ZBTB49: variants seen among roughly 807,000 people sequenced by gnomAD.
ZBTB49 encodes the protein zinc finger and BTB domain-containing protein 49.
A neutral mutation model predicts 57.5 loss-of-function variants in ZBTB49; 43 were observed. That is an observed-to-expected ratio of 0.75 (90% CI 0.59 to 0.97). ZBTB49 has a LOEUF of 0.97. Ranked by LOEUF, ZBTB49 falls within the 50% of genes least tolerant of loss-of-function variation. ZBTB49 has a pLI of 0.00. For missense variants in ZBTB49, 938 were observed against 947.7 expected, an observed-to-expected ratio of 0.99 and a Z score of 0.13; for synonymous variants, 369 against 362.1, an observed-to-expected ratio of 1.02 and a Z score of -0.22.
intron 1 of ZBTB49, among the ~76,000 whole-genome samples, chr4:4,296,171 A>G (rs945298257): frequency 6.6e-6 from 1 of 152,212 alleles, no homozygotes; most frequent in Non-Finnish European, 1.5e-5. Flanking sequence ...GGATTTCAGG[A>G]TGGGAGTTGG....
At chr4:4,295,288 G>T (rs1006413984) in intron 1 of ZBTB49, among the ~76,000 whole-genome samples, 1 of 152,138 alleles carries the variant, frequency 6.6e-6, no homozygotes, top group East Asian at 1.9e-4. Context: ...ATGGCAGCAG[G>T]GGAGAGAGAA....
intron 1 of ZBTB49, among the ~76,000 whole-genome samples, 151 bp from the exon 2 acceptor site, chr4:4,299,775 AG>A (rs140596553): frequency 0.5 from 59,583 of 119,314 alleles, 13,668 homozygotes; most frequent in Middle Eastern, 0.6. Flanking sequence ...TCAGAAACAG[AG>A]GTGTGTGTGT....
At chr4:4,318,716 G>A (rs1028324656) in intron 7 of ZBTB49, among the ~76,000 whole-genome samples, 11 of 152,140 alleles carry the variant, frequency 7.2e-5, no homozygotes, top group South Asian at 2.1e-4. Flanking sequence ...ACAAAATTCC[G>A]CATGTCTGAG....
At chr4:4,291,465 A>G (rs1377812949) in intron 1 of ZBTB49, among the ~76,000 whole-genome samples, 1 of 152,218 alleles carries the variant, frequency 6.6e-6, no homozygotes, top group African/African-American at 2.4e-5. Context: ...CCTGATCTCC[A>G]AATACAATCA....
chr4:4,310,511 A>ATT (rs66523167), intron 4 of ZBTB49, among the ~76,000 whole-genome samples: 64,790 of 141,190 alleles, frequency 0.46, 15,484 homozygotes, highest in South Asian at 0.6. Flanking sequence ...ACTTGCTAGA[A>ATT]TTTTTTTTTT....
chr4:4,306,155 T>C lies in ZBTB49; in HGVS notation c.1273T>C (p.Cys425Arg). The C allele has an allele frequency of 3.1e-6, 5 of 1,613,146 alleles. No individual in the cohort carries two copies. Among genetic ancestry groups the C allele is most frequent in the Non-Finnish European group, 4.2e-6 (5 of 1,179,650 alleles). Reference sequence around the variant, plus strand: ...TGTTTTAGGTGAGAAACCTTTTGAATGTAACATTTGTGGGAAACATTTCTC... The same window carrying C: ...TGTTTTAGGTGAGAAACCTTTTGAACGTAACATTTGTGGGAAACATTTCTC... The part of the protein sequence containing the change: ...RSHTGEKPFE[C>R]NICGKHFSQA... The change falls in exon 4 of 8, where the codon TGT becomes CGT. Residue 425 changes from cysteine to arginine, a missense_variant. By Grantham distance (180) the Cys-to-Arg change is radical (BLOSUM62 -3). Transcript: ENST00000337872.
intron 3 of ZBTB49, among the ~76,000 whole-genome samples, chr4:4,303,797 T>C (rs1461358200): frequency 6.6e-6 from 1 of 151,478 alleles, no homozygotes; most frequent in Non-Finnish European, 1.5e-5. Context: ...TATATATATC[T>C]CCACACACAC....
intron 3 of ZBTB49, among the ~76,000 whole-genome samples, chr4:4,304,203 C>CG (rs1383361496): frequency 1.3e-5 from 2 of 151,670 alleles, no homozygotes; most frequent in African/African-American, 4.9e-5. Flanking sequence ...CCTAAATCTC[C>CG]TACAGCCTAA....
intron 3 of ZBTB49, among the ~76,000 whole-genome samples, chr4:4,303,735 T>C (rs1326843931): frequency 8.7e-5 from 4 of 45,790 alleles, no homozygotes; most frequent in Non-Finnish European, 2.1e-4. Flanking sequence ...ATTCTCTCTC[T>C]CTCTCTCTCT....
Position 4,321,221 on chromosome 4 carries a change from A to C in ZBTB49, c.2203A>C (p.Thr735Pro), listed in dbSNP as rs745911991. 2 of 1,613,996 alleles carry C rather than the reference A, an allele frequency of 1.2e-6. No homozygotes were observed. The highest frequency in any genetic ancestry group is 2.2e-5 in the South Asian group (2 of 91,070). Residue 735 changes from threonine (T) to proline (P), a missense_variant, in exon 8 of 8, where the codon ACT becomes CCT. Thr to Pro is a conservative substitution (Grantham distance 38). Coordinates refer to ENST00000337872, the MANE Select transcript of ZBTB49 (RefSeq NM_145291.4). ...DPLGSRASST[T>P]YRNSEGQFFS... ...CCTGGGCAGTCGAGCATCTTCCACC[A>C]CTTATAGGAACTCAGAGGGTCAGTT...
At chr4:4,297,553 G>T (rs932732302) in intron 1 of ZBTB49, among the ~76,000 whole-genome samples, 4 of 152,116 alleles carry the variant, frequency 2.6e-5, no homozygotes, top group Non-Finnish European at 5.9e-5. Context: ...GGGAGGCTGA[G>T]GTAGGCAGAT....
chr4:4,299,742 T>G (rs1720386120), intron 1 of ZBTB49, among the ~76,000 whole-genome samples, 185 bp from the exon 2 acceptor site: 1 of 151,678 alleles, frequency 6.6e-6, no homozygotes, highest in Non-Finnish European at 1.5e-5. Flanking sequence ...GTAATTCTGT[T>G]GAACAGCAGC....
At chr4:4,309,564 A>G (rs1720892743) in intron 4 of ZBTB49, among the ~76,000 whole-genome samples, 1 of 152,246 alleles carries the variant, frequency 6.6e-6, no homozygotes, top group Non-Finnish European at 1.5e-5. Context: ...GCAGAAACAG[A>G]AACACTGGGC....
In ZBTB49 at chr4:4,302,536, G is replaced by A. The variant is rs140280813; in HGVS notation, c.700G>A (p.Glu234Lys). 6.2e-7 allele frequency: 1 copy of A among 1,613,880 alleles called. No homozygotes were observed. The highest frequency in any genetic ancestry group is 2.2e-5 in the East Asian group (1 of 44,896). The change falls in exon 3 of 8, where the codon GAG becomes AAG. Residue 234 changes from glutamate to lysine, a missense_variant. Around this residue, in one of 3 missense-constraint regions of ZBTB49, gnomAD observed 835 missense variants for 819.1 expected, o/e 1.02. Transcript: ENST00000337872. Reference protein sequence around the residue: ...YHKHAAGPSQERVVEQPFAFS... With the variant: ...YHKHAAGPSQKRVVEQPFAFS... ...TAAACACGCAGCTGGTCCCAGTCAG[G>A]AGAGAGTTGTTGAGCAGCCTTTTGC...
chr4:4,308,944 C>A (rs557304533), intron 4 of ZBTB49, among the ~76,000 whole-genome samples: 74 of 152,280 alleles, frequency 4.9e-4, no homozygotes, highest in Admixed American at 9.2e-4. Flanking sequence ...ACTGGGCAAG[C>A]CTGGCATCCC....
At chr4:4,316,038 A>G (rs1721182949) in intron 7 of ZBTB49, 68 bp downstream of exon 7, 2 of 1,574,074 alleles carry the variant, frequency 1.3e-6, no homozygotes, top group South Asian at 2.3e-5. Context: ...CCCAGCCCTC[A>G]TTAGCTGAGT....
chr4:4,319,558 T>C (rs1223752055), intron 7 of ZBTB49, among the ~76,000 whole-genome samples: 3 of 152,230 alleles, frequency 2.0e-5, no homozygotes, highest in Non-Finnish European at 4.4e-5. Flanking sequence ...CCATGGCTCA[T>C]GCCTGTAACC....
At chr4:4,317,312 G>T (rs185483037) in intron 7 of ZBTB49, among the ~76,000 whole-genome samples, 40 of 152,264 alleles carry the variant, frequency 2.6e-4, no homozygotes, top group Non-Finnish European at 4.3e-4. Flanking sequence ...ATGTGACAGG[G>T]TCAGTTTTTT....
chr4:4,307,542 T>G (rs1309966317), intron 4 of ZBTB49, among the ~76,000 whole-genome samples: 1 of 152,132 alleles, frequency 6.6e-6, no homozygotes, highest in Non-Finnish European at 1.5e-5. Flanking sequence ...AATGAGGTAA[T>G]AACGGAAAGT....
Sources: gnomAD v4.1 joint callset for allele counts (sites outside exome capture counted in the v4.1 genomes callset) on GRCh38, gnomAD v4.1.1 for gene constraint, gnomAD v4.1.1 regional missense constraint, MANE v1.5 for transcripts, NCBI Gene and HGNC (gene_info 2026-07-23, HGNC 2026-07-21) for gene names.